The following DIABLO variants were observed in gnomAD, a reference collection of about 807,000 sequenced individuals.
DIABLO encodes diablo homolog, mitochondrial.
In DIABLO, 32 loss-of-function variants were observed where a neutral mutation model predicts 31.7. The observed-to-expected ratio is 1.01, with a 90% CI of 0.76 to 1.35. The LOEUF (loss-of-function observed/expected upper bound fraction) is 1.35, where lower values mean the gene tolerates loss of function less well. DIABLO is among the 40% of genes most tolerant of loss of function. The pLI is 0.00. For missense variants in DIABLO, 316 were observed against 286.4 expected (o/e 1.10, Z -0.75); for synonymous variants, 132 against 103.2 (o/e 1.28, Z -1.69).
chr12:122,209,660 T>TC lies in DIABLO; in HGVS notation c.524-1084dup, dbSNP rs377563224. ...AGCCTAGGTGAGAGTGAAACTCGTCTCCCCCCCAAAAAAAAAAATGAGCTC... is the reference window on the plus strand; with the variant it reads ...AGCCTAGGTGAGAGTGAAACTCGTCTCCCCCCCCAAAAAAAAAAATGAGCTC... On this transcript the variant is annotated intron_variant, in intron 5 of 5. Transcript: ENST00000464942. 4.7e-4 allele frequency: 315 copies of TC among 677,328 alleles called. 1 individual carries two copies. Among genetic ancestry groups the TC allele is most frequent in the Middle Eastern group, 9.4e-4 (4 of 4,250 alleles). 42.0% of individuals were successfully genotyped at this position (677,328 alleles called of 1,614,324 possible).
upstream of DIABLO, chr12:122,226,256 G>A (rs1272831581): frequency 1.4e-6 from 1 of 711,676 alleles, no homozygotes. Context: ...CAGGGCCTGA[G>A]GGCGCGGAGG....
intron 1 of DIABLO, chr12:122,225,004 G>A (rs1954421461): frequency 4.7e-6 from 2 of 426,004 alleles, no homozygotes; most frequent in Non-Finnish European, 8.2e-6. Flanking sequence ...CTTGAGGTCA[G>A]GAATTCGAAA....
chr12:122,221,545 GAC>G (rs1210378054), intron 2 of DIABLO: 6 of 152,052 alleles, frequency 3.9e-5, no homozygotes, highest in Non-Finnish European at 8.8e-5. Context: ...TAGGACTACC[GAC>G]ACACGCCACC....
rs1317215726 is a variant in DIABLO, at chr12:122,216,868, G to C, written c.317C>G (p.Ala106Gly). Residue 106 changes from alanine to glycine, a missense_variant and splice_region_variant, in exon 4 of 6, where the codon GCT becomes GGT. Ala to Gly is a moderately conservative substitution (Grantham distance 60). Coordinates refer to ENST00000464942, the MANE Select transcript of DIABLO (RefSeq NM_001371333.1). ...LIEAITEYTK[A>G]VYTLTSLYRQ... ...GTAAAGAGAAGTTAAGGTATAAACAGCCTACAAATAGAGAATGAACAAGTC... is the reference window on the plus strand; with the variant it reads ...GTAAAGAGAAGTTAAGGTATAAACACCCTACAAATAGAGAATGAACAAGTC... 5.6e-6 allele frequency: 9 copies of C among 1,610,024 alleles called. No homozygotes were observed. Among genetic ancestry groups the C allele is most frequent in the Non-Finnish European group, 7.6e-6 (9 of 1,176,708 alleles).
chr12:122,226,604 G>C, upstream of DIABLO: 1 of 682,844 alleles, frequency 1.5e-6, no homozygotes, highest in Non-Finnish European at 2.7e-6. Flanking sequence ...GCGGCCTGCC[G>C]GGCTGGCGCC....
At chr12:122,208,745 G>C (rs1368840394) in intron 5 of DIABLO, 168 bp from the exon 6 acceptor site, 2 of 734,448 alleles carry the variant, frequency 2.7e-6, no homozygotes, top group African/African-American at 1.7e-5. Context: ...TCTATGTTCA[G>C]GTCTGGATTT....
At position 122,225,116 on chromosome 12, in the gene DIABLO, G is replaced by C. The variant is rs377121916; in HGVS notation, c.51-472C>G. On this transcript the variant is annotated intron_variant, in intron 1 of 5. Coordinates refer to ENST00000464942, the MANE Select transcript of DIABLO (RefSeq NM_001371333.1). ...TAATCCCAGCTACTCGGGAGGCTGA[G>C]GCAGGAGAATCGCTTGAACCTGGGA... 1.8e-3 allele frequency: 576 copies of C among 322,066 alleles called. 10 individuals carry two copies. Among genetic ancestry groups the C allele is most frequent in the South Asian group, 0.015 (562 of 37,142 alleles). The allele number at this position is 322,066 out of a possible 1,614,324, so 20.0% of individuals were successfully genotyped here.
intron 5 of DIABLO, among the ~76,000 whole-genome samples, chr12:122,209,370 A>G (rs1017622064): frequency 2.0e-5 from 3 of 151,150 alleles, no homozygotes; most frequent in African/African-American, 7.4e-5. Context: ...AAAAAAAGAA[A>G]AAAAGAAAAA....
chr12:122,226,500 A>G, upstream of DIABLO: 1 of 698,820 alleles, frequency 1.4e-6, no homozygotes, highest in Non-Finnish European at 2.6e-6. Flanking sequence ...CGTGTAGCTG[A>G]GGAGCACGAA....
In DIABLO at chr12:122,225,551, G is replaced by A. The variant is rs1019462346; in HGVS notation, c.50+414C>T. On this transcript the variant is annotated intron_variant, in intron 1 of 5. Coordinates refer to ENST00000464942, the MANE Select transcript of DIABLO (RefSeq NM_001371333.1). ...CCAGGAGCCTGCAGCGCTAGGTAGAGAGCCCTGCGCCAGCTCCCCCGGCCC... is the reference window on the plus strand; with the variant it reads ...CCAGGAGCCTGCAGCGCTAGGTAGAAAGCCCTGCGCCAGCTCCCCCGGCCC... The A allele has an allele frequency of 3.5e-6, 4 of 1,151,740 alleles. No homozygotes were observed. The African/African-American group carries it at 6.5e-5, about 19-fold the overall frequency. The allele number at this position is 1,151,740 out of a possible 1,614,324, so 71.3% of individuals were successfully genotyped here. A position where few individuals can be genotyped will look rare whatever the true frequency, so the allele number is the denominator to read the frequency against.
At chr12:122,217,994 AG>A (rs1290053805) in intron 3 of DIABLO, among the ~76,000 whole-genome samples, 2 of 146,606 alleles carry the variant, frequency 1.4e-5, no homozygotes, top group Non-Finnish European at 3.0e-5. Context: ...AAAAAAAAAA[AG>A]GTTCCTGGGA....
At chr12:122,222,786 T>C (rs547998250) in intron 2 of DIABLO, among the ~76,000 whole-genome samples, 1 of 152,180 alleles carries the variant, frequency 6.6e-6, no homozygotes, top group East Asian at 1.9e-4. Context: ...CACAATAGGT[T>C]TCGTGCTCCT....
intron 3 of DIABLO, 43 bp from the exon 4 acceptor site, chr12:122,216,912 C>T: frequency 6.6e-7 from 1 of 1,512,076 alleles, no homozygotes; most frequent in Non-Finnish European, 9.2e-7. Flanking sequence ...GTAAGTGAGA[C>T]ATATCAGAAG....
chr12:122,224,661 G>C lies in DIABLO; in HGVS notation c.51-17C>G. 3 of 1,614,172 alleles carry C rather than the reference G, an allele frequency of 1.9e-6. No homozygotes were observed. The highest frequency in any genetic ancestry group is 2.5e-6 in the Non-Finnish European group (3 of 1,180,022). On this transcript the variant is annotated splice_polypyrimidine_tract_variant and intron_variant, in intron 1 of 5. Transcript: ENST00000464942. ...TGTCTGTACCTGGAAGTAGAAGTCA[G>C]ATTTCATAAGGCACGACCGCCAATC...
chr12:122,215,363 G>A (rs1432925830), intron 5 of DIABLO, among the ~76,000 whole-genome samples: 5 of 152,124 alleles, frequency 3.3e-5, no homozygotes, highest in African/African-American at 9.7e-5. Context: ...TGGATCACCT[G>A]AGGTCAGGAG....
rs78915682 is a variant in DIABLO at position 122,224,149 on chromosome 12, C to T, written c.183+363G>A. ...TATTTTATATTTTATCCTCTTTCATCTCCACAAAGCTTTTGTGAGAACAAG... is the reference window on the plus strand; with the variant it reads ...TATTTTATATTTTATCCTCTTTCATTTCCACAAAGCTTTTGTGAGAACAAG... On this transcript the variant is annotated intron_variant, in intron 2 of 5. Coordinates refer to ENST00000464942, the MANE Select transcript of DIABLO (RefSeq NM_001371333.1). Among the ~76,000 whole-genome samples, 273 of 152,282 alleles carry T rather than the reference C, an allele frequency of 1.8e-3. 5 individuals carry two copies. In the East Asian group the frequency reaches 0.042, roughly 23 times the overall value.
intron 3 of DIABLO, chr12:122,217,786 G>C (rs1954247895): frequency 6.2e-6 from 1 of 161,676 alleles, no homozygotes; most frequent in Admixed American, 6.0e-5. Context: ...CTCCCAAACT[G>C]CTGGGATTAC....
upstream of DIABLO, chr12:122,226,410 C>A (rs546633656): frequency 6.4e-5 from 44 of 690,594 alleles, 1 homozygote; most frequent in African/African-American, 6.5e-4. Context: ...GAGGCGGGGC[C>A]GGGCGCGGCG....
At chr12:122,219,115 C>A (rs1481018679) in intron 2 of DIABLO, among the ~76,000 whole-genome samples, 1 of 151,788 alleles carries the variant, frequency 6.6e-6, no homozygotes, top group African/African-American at 2.4e-5. Context: ...CGCCTGTAGT[C>A]CCAGCTACTT....
Sources: allele counts gnomAD v4.1 joint callset (sites outside exome capture counted in the v4.1 genomes callset), GRCh38; gene constraint gnomAD v4.1.1; transcripts MANE v1.5; gene names NCBI Gene and HGNC (gene_info 2026-07-23, HGNC 2026-07-21).